Variants in PUDP observed in about 807,000 individuals in gnomAD.
PUDP encodes the protein pseudouridine-5'-phosphatase.
PUDP carries 8 observed loss-of-function variants against 9.4 expected under a neutral mutation model. The observed-to-expected ratio is 0.85, with a 90% CI of 0.50 to 1.53. The LOEUF is 1.53. Ranked by LOEUF, PUDP falls within the 40% of genes most tolerant of loss-of-function variation. The pLI, the probability that PUDP is intolerant of heterozygous loss-of-function variation, is 0.00. For missense variants in PUDP, 188 were observed against 189.7 expected (o/e 0.99, Z 0.05); for synonymous variants, 99 against 80.7 (o/e 1.23, Z -1.22).
chrX:6,947,673 T>C (rs1251722950), intron 3 of PUDP, among the ~76,000 whole-genome samples: 1 of 110,777 alleles, frequency 9.0e-6, no homozygotes, highest in African/African-American at 3.3e-5. Context: ...ATTCCTGTGG[T>C]CCCAGCTACA....
At chrX:6,832,625 G>A (rs1051406570) in intron 3 of PUDP, among the ~76,000 whole-genome samples, 3 of 111,810 alleles carry the variant, frequency 2.7e-5, no homozygotes, top group African/African-American at 6.5e-5. Flanking sequence ...GAGATAGGAT[G>A]GATATATTTG....
chrX:6,899,075 C>A (rs1380210628), intron 3 of PUDP, among the ~76,000 whole-genome samples: 1 of 112,290 alleles, frequency 8.9e-6, no homozygotes, highest in Non-Finnish European at 1.9e-5. Flanking sequence ...TCTTTAACCA[C>A]ATTTATAAAC....
intron 3 of PUDP, among the ~76,000 whole-genome samples, chrX:6,968,361 T>A (rs995520503): frequency 8.9e-6 from 1 of 111,890 alleles, no homozygotes; most frequent in Admixed American, 9.5e-5. Context: ...TTAACAAGGA[T>A]GTGTCCGTGC....
chrX:6,757,921 C>G (rs1925187242), intron 3 of PUDP, among the ~76,000 whole-genome samples: 1 of 112,094 alleles, frequency 8.9e-6, no homozygotes, highest in South Asian at 3.7e-4. Context: ...CAGTGAGACC[C>G]AATGCTTCAA....
chrX:7,091,324 G>A (rs1281226798), intron 2 of PUDP, among the ~76,000 whole-genome samples: 1 of 111,558 alleles, frequency 9.0e-6, no homozygotes, highest in Admixed American at 9.5e-5. Flanking sequence ...CAAAGGGAAG[G>A]CACATTTAAC....
chrX:6,946,242 T>C (rs1310434179), intron 3 of PUDP, among the ~76,000 whole-genome samples: 1 of 111,969 alleles, frequency 8.9e-6, no homozygotes, highest in Non-Finnish European at 1.9e-5. Flanking sequence ...CACCATTCCT[T>C]GTACATGGGA....
intron 3 of PUDP, among the ~76,000 whole-genome samples, chrX:6,749,446 G>A (rs998297676): frequency 4.5e-5 from 5 of 111,324 alleles, no homozygotes; most frequent in Admixed American, 2.9e-4. Flanking sequence ...GGAGGTGGCC[G>A]TTGTGTTTAG....
chrX:7,096,970 C>T (rs1206668887), intron 2 of PUDP, among the ~76,000 whole-genome samples: 2 of 111,277 alleles, frequency 1.8e-5, no homozygotes, highest in African/African-American at 6.5e-5. Context: ...TCATGAGACA[C>T]ACTGGAAAGG....
intron 2 of PUDP, among the ~76,000 whole-genome samples, chrX:7,082,490 G>T (rs1405031060): frequency 8.9e-6 from 1 of 112,213 alleles, no homozygotes; most frequent in South Asian, 3.7e-4. Flanking sequence ...ACAACGCAAA[G>T]TGGGAGAGGG....
At chrX:6,897,989 G>T (rs1314031704) in intron 3 of PUDP, among the ~76,000 whole-genome samples, 1 of 112,402 alleles carries the variant, frequency 8.9e-6, no homozygotes, top group Non-Finnish European at 1.9e-5. Flanking sequence ...AACCCTGCAT[G>T]GAGAGAAGTA....
At chrX:6,915,366 T>C (rs1439128119) in intron 3 of PUDP, among the ~76,000 whole-genome samples, 2 of 112,338 alleles carry the variant, frequency 1.8e-5, no homozygotes, top group Non-Finnish European at 3.7e-5. Context: ...ATTTATGAAT[T>C]CACAAATGTC....
At chrX:7,026,628 C>T (rs1210399373) in intron 1 of PUDP, among the ~76,000 whole-genome samples, 1 of 111,390 alleles carries the variant, frequency 9.0e-6, no homozygotes, top group Non-Finnish European at 1.9e-5. Context: ...GCCCACCCTC[C>T]TACCACCTGT....
intron 3 of PUDP, among the ~76,000 whole-genome samples, chrX:7,055,629 C>T (rs1192157211): frequency 9.0e-6 from 1 of 111,116 alleles, no homozygotes; most frequent in Non-Finnish European, 1.9e-5. Context: ...AGGACCACAC[C>T]TACAAGAAAA....
At chrX:6,738,301 G>C (rs1924897043) in intron 3 of PUDP, among the ~76,000 whole-genome samples, 1 of 111,674 alleles carries the variant, frequency 9.0e-6, no homozygotes, top group African/African-American at 3.3e-5. Flanking sequence ...AATGGAATCT[G>C]TTGGTGCCAT....
intron 1 of PUDP, chrX:6,989,673 T>A (rs1929150397): frequency 8.8e-6 from 1 of 113,339 alleles, no homozygotes; most frequent in Admixed American, 9.4e-5. Context: ...GTTGCCTTCA[T>A]GGGAAGTGCC....
intron 3 of PUDP, among the ~76,000 whole-genome samples, chrX:6,773,814 C>T (rs1388665653): frequency 1.8e-5 from 2 of 111,572 alleles, no homozygotes. Flanking sequence ...GAAATTTCTG[C>T]ACAAACTGCC....
chrX:7,077,382 C>T lies in PUDP; in HGVS notation c.348G>A (p.Gly116=). 8.3e-7 allele frequency: 1 copy of T among 1,210,945 alleles called. No individual in the cohort carries two copies. Among genetic ancestry groups the T allele is most frequent in the South Asian group, 1.8e-5 (1 of 56,899 alleles). The change falls in exon 3 of 4, where the codon GGG becomes GGA. Residue 116 remains glycine, a synonymous_variant. Transcript: ENST00000381077. The stretch of plus-strand genomic sequence containing the variant: ...TTGTCTTCATATCGAACGACGCGGA[C>T]CCCGAGCTGGTGGCCAGTGCAAAGG... ...GIPFALATSS[G]SASFDMKTSR... is the part of the protein sequence containing the mutation.
intron 3 of PUDP, among the ~76,000 whole-genome samples, chrX:6,955,490 T>C (rs1295501641): frequency 8.9e-6 from 1 of 111,859 alleles, no homozygotes; most frequent in Non-Finnish European, 1.9e-5. Flanking sequence ...TGTTTGTGTA[T>C]GCAGACACCA....
chrX:7,000,403 T>C (rs1252881367), intron 1 of PUDP, among the ~76,000 whole-genome samples: 2 of 111,222 alleles, frequency 1.8e-5, no homozygotes, highest in Non-Finnish European at 3.8e-5. Flanking sequence ...TGGTTTAATA[T>C]GTTAATTCTC....
Sources: allele counts gnomAD v4.1 joint callset (sites outside exome capture counted in the v4.1 genomes callset), GRCh38; gene constraint gnomAD v4.1.1; transcripts MANE v1.5; gene names NCBI Gene and HGNC (gene_info 2026-07-23, HGNC 2026-07-21).